Variants in DNM2 observed in about 807,000 individuals in gnomAD.
DNM2 encodes the protein dynamin-2.
A neutral mutation model predicts 99.0 loss-of-function variants in DNM2; 15 were observed. The ratio of observed to expected loss-of-function variants is 0.15; its 90% CI spans 0.10 to 0.23. The LOEUF (loss-of-function observed/expected upper bound fraction) is 0.23. Ranked by LOEUF, DNM2 falls within the 10% of genes least tolerant of loss-of-function variation. The probability of loss-of-function intolerance (pLI) is 1.00; values close to 1 mark genes in which losing one functional copy is unlikely to be tolerated. For synonymous variants in DNM2, 525 were observed against 481.2 expected (o/e 1.09, Z -1.19); for missense variants, 742 against 1,189.4 (o/e 0.62, Z 5.53).
Position 10,741,574 on chromosome 19 carries a change from G to A in DNM2, c.162-18164G>A, listed in dbSNP as rs144408214. Among the ~76,000 whole-genome samples the A allele has an allele frequency of 4.6e-3, 663 of 143,904 alleles. 13 individuals carry two copies. The East Asian group carries it at 0.056, about 12-fold the overall frequency. The allele number at this position is 143,904 out of a possible 152,430, so 94.4% of individuals were successfully genotyped here. A position where few individuals can be genotyped will look rare whatever the true frequency, so the allele number is the denominator to read the frequency against. ...TTCTTTTTTTTTTTTTTTTGAGACA[G>A]AGTCTTGCTCTGTCGCCCAGGCTGG... is the stretch of plus-strand genomic sequence containing the variant. On this transcript the variant is annotated intron_variant, in intron 1 of 20. Coordinates refer to ENST00000389253, the MANE Select transcript of DNM2 (RefSeq NM_001005361.3).
At chr19:10,729,366 A>C (rs1226603520) in intron 1 of DNM2, among the ~76,000 whole-genome samples, 2 of 152,014 alleles carry the variant, frequency 1.3e-5, no homozygotes, top group Non-Finnish European at 2.9e-5. Context: ...CTCAAAAAAA[A>C]CAAAAATAAA....
chr19:10,759,491 G>A, intron 1 of DNM2: 1 of 578,930 alleles, frequency 1.7e-6, no homozygotes, highest in African/African-American at 1.9e-5. Flanking sequence ...GGGAGTACGG[G>A]GGGTGGGGCA....
chr19:10,753,689 C>T (rs1193728171), intron 1 of DNM2, among the ~76,000 whole-genome samples: 2 of 151,192 alleles, frequency 1.3e-5, no homozygotes, highest in Non-Finnish European at 2.9e-5. Flanking sequence ...CGGAGTTTCG[C>T]TCTTTGTTGT....
chr19:10,767,894 A>G (rs946073481), intron 2 of DNM2, among the ~76,000 whole-genome samples: 4 of 152,074 alleles, frequency 2.6e-5, no homozygotes, highest in Non-Finnish European at 4.4e-5. Flanking sequence ...TGACAGAGCA[A>G]GACTCAGTCT....
At chr19:10,735,680 A>AT (rs1011247947) in intron 1 of DNM2, among the ~76,000 whole-genome samples, 21 of 146,192 alleles carry the variant, frequency 1.4e-4, no homozygotes, top group South Asian at 4.4e-4. Flanking sequence ...CGCCCGGCTA[A>AT]TTTTTTTTTT....
rs876661218 is a variant in DNM2, at chr19:10,830,200, C to G, written c.2365C>G (p.Pro789Ala). 4 of 1,613,506 alleles carry G rather than the reference C, an allele frequency of 2.5e-6. No individual in the cohort carries two copies. Among genetic ancestry groups the G allele is most frequent in the Non-Finnish European group, 3.4e-6 (4 of 1,179,504 alleles). The part of the protein sequence containing the change: ...GRPPAVRGPT[P>A]GPPLIPVPVG... ...GCCCCCAGCAGTGAGGGGCCCCACT[C>G]CAGGGCCCCCCCTGATTCCTGTTCC... Residue 789 changes from proline (P) to alanine (A), a missense_variant, in exon 20 of 21, where the codon CCA (proline) becomes GCA (alanine). Physicochemically the swap from Pro to Ala is conservative, Grantham distance 27. Around this residue, in one of 7 missense-constraint regions of DNM2, gnomAD observed 187 missense variants for 218.8 expected, o/e 0.85. Coordinates refer to ENST00000389253, the MANE Select transcript of DNM2 (RefSeq NM_001005361.3). The surrounding 1 kb of genome is among the most constrained non-coding windows in gnomAD (Gnocchi z 4.8).
chr19:10,805,560 G>A (rs191454772), intron 12 of DNM2, among the ~76,000 whole-genome samples: 1 of 152,150 alleles, frequency 6.6e-6, no homozygotes, highest in Non-Finnish European at 1.5e-5. Context: ...ACTTGAGCCC[G>A]GGAGGGTCAA....
chr19:10,767,251 A>G (rs1233391176), intron 2 of DNM2, among the ~76,000 whole-genome samples: 2 of 150,948 alleles, frequency 1.3e-5, no homozygotes, highest in Non-Finnish European at 2.9e-5. Flanking sequence ...CATCTCCAGC[A>G]CTTGAGCGCA....
At position 10,831,008 on chromosome 19, in the gene DNM2, CACCATT is replaced by C. The variant is rs876661117; in HGVS notation, c.2576_2581del (p.Thr859_Ile860del). 9.9e-6 allele frequency: 16 copies of C among 1,611,860 alleles called. No homozygotes were observed. Among genetic ancestry groups the C allele is most frequent in the Admixed American group, 5.0e-5 (3 of 59,882 alleles). ...GACCCCCTGCTGCGCCCAGCCGGCC[CACCATT>C]ATCCGCCCAGCCGAGCCATCCCTGC... On this transcript the variant is annotated inframe_deletion, in exon 21 of 21. Transcript: ENST00000389253. This position sits in a 1 kb window ranked among gnomAD's most constrained non-coding sequence, Gnocchi z 4.3.
At position 10,798,481 on chromosome 19, in the gene DNM2, C is replaced by G; in HGVS notation, c.1336-5C>G. ...CCAATGCGACCACTCTGCTTGTTCC[C>G]CCAGCTCAGTTCCTACCCCCGGTTG... On this transcript the variant is annotated splice_region_variant and splice_polypyrimidine_tract_variant and intron_variant, in intron 10 of 20. Coordinates refer to ENST00000389253, the MANE Select transcript of DNM2 (RefSeq NM_001005361.3). The G allele has an allele frequency of 1.2e-6, 2 of 1,614,168 alleles. No homozygotes were observed. The highest frequency in any genetic ancestry group is 1.6e-4 in the Middle Eastern group (1 of 6,062).
At chr19:10,829,390 G>A in intron 19 of DNM2, 122 bp downstream of exon 19, 1 of 1,285,174 alleles carries the variant, frequency 7.8e-7, no homozygotes, top group South Asian at 1.3e-5. Context: ...CCAGGGCTGG[G>A]CACTGTGGGA....
rs2072311972 is a variant in DNM2, at chr19:10,805,782, G to T, written c.1494-134G>T. The T allele has an allele frequency of 4.8e-6, 5 of 1,050,328 alleles. No homozygotes were observed. The Admixed American group carries it at 9.6e-5, about 20-fold the overall frequency. The allele number at this position is 1,050,328 out of a possible 1,614,324, so 65.1% of individuals were successfully genotyped here. On this transcript the variant is annotated intron_variant, in intron 12 of 20. Transcript: ENST00000389253. ...GTTTCCCTTGCGCAGCTCTGTGTGT[G>T]CAGGGGGCTTCTCTCTGCCTCTACC... is the stretch of plus-strand genomic sequence containing the variant.
chr19:10,768,174 C>A (rs1343279207), intron 2 of DNM2, among the ~76,000 whole-genome samples: 2 of 152,088 alleles, frequency 1.3e-5, no homozygotes, highest in Non-Finnish European at 2.9e-5. Flanking sequence ...CCCCTGCTGG[C>A]CGGGCGCGGT....
At chr19:10,744,670 C>T (rs2069897031) in intron 1 of DNM2, among the ~76,000 whole-genome samples, 2 of 152,146 alleles carry the variant, frequency 1.3e-5, no homozygotes, top group Admixed American at 1.3e-4. Flanking sequence ...GCTGCAGACA[C>T]AGTGAGCGTT....
intron 1 of DNM2, among the ~76,000 whole-genome samples, chr19:10,748,855 T>C (rs1379675269): frequency 6.6e-6 from 1 of 152,172 alleles, no homozygotes; most frequent in Non-Finnish European, 1.5e-5. Flanking sequence ...GCCTGTTGGG[T>C]GGCCAGCGTT....
intron 4 of DNM2, among the ~76,000 whole-genome samples, chr19:10,776,435 C>T (rs1219832770): frequency 6.6e-6 from 1 of 152,162 alleles, no homozygotes; most frequent in East Asian, 1.9e-4. Context: ...GAAGGGGCCC[C>T]AGGGAGGGCA....
At chr19:10,746,656 G>T (rs2069982804) in intron 1 of DNM2, among the ~76,000 whole-genome samples, 1 of 151,456 alleles carries the variant, frequency 6.6e-6, no homozygotes, top group Non-Finnish European at 1.5e-5. Flanking sequence ...CCAACCTCAG[G>T]TGATCTACCT....
chr19:10,757,197 C>T (rs548061192), intron 1 of DNM2, among the ~76,000 whole-genome samples: 7 of 152,236 alleles, frequency 4.6e-5, no homozygotes, highest in African/African-American at 1.4e-4. Context: ...CCCTGTTGCC[C>T]ATCACGATCC....
At chr19:10,718,812 C>G (rs1163108671) in intron 1 of DNM2, among the ~76,000 whole-genome samples, 2 of 152,172 alleles carry the variant, frequency 1.3e-5, no homozygotes, top group Non-Finnish European at 2.9e-5. Context: ...TGCGGTCTGG[C>G]TGGCTTGTTC....
Sources: allele counts gnomAD v4.1 joint callset (sites outside exome capture counted in the v4.1 genomes callset), GRCh38; gene constraint gnomAD v4.1.1; regional missense constraint gnomAD v4.1.1; non-coding constraint Gnocchi (gnomAD v3.1); transcripts MANE v1.5; gene names NCBI Gene and HGNC (gene_info 2026-07-23, HGNC 2026-07-21).